Variants in DOCK10 observed in about 807,000 individuals in gnomAD.
DOCK10 encodes dedicator of cytokinesis protein 10.
A neutral mutation model predicts 280.1 loss-of-function variants in DOCK10; 145 were observed. The ratio of observed to expected loss-of-function variants is 0.52; its 90% CI spans 0.45 to 0.59. The LOEUF is 0.59. Among genes scored for constraint, DOCK10 ranks in the 20% least tolerant of loss-of-function variants. DOCK10 has a pLI of 0.00. For missense variants in DOCK10, 2,368 were observed against 2,651.7 expected (o/e 0.89, Z 2.35); for synonymous variants, 915 against 942.2 (o/e 0.97, Z 0.53).
At chr2:224,910,757 G>A (rs1402788683) in intron 3 of DOCK10, among the ~76,000 whole-genome samples, 1 of 152,132 alleles carries the variant, frequency 6.6e-6, no homozygotes, top group African/African-American at 2.4e-5. Context: ...CTTATCTGCT[G>A]TCTCCAGGCC....
At chr2:224,995,724 C>T (rs1027691636) in intron 1 of DOCK10, among the ~76,000 whole-genome samples, 11 of 152,164 alleles carry the variant, frequency 7.2e-5, no homozygotes, top group Non-Finnish European at 1.5e-5. Context: ...AATCTCGGTA[C>T]ATTCCCTTGT....
intron 24 of DOCK10, among the ~76,000 whole-genome samples, chr2:224,839,175 T>TTCATGCCA (rs1409940899): frequency 1.3e-5 from 2 of 151,802 alleles, no homozygotes; most frequent in Admixed American, 1.3e-4. Flanking sequence ...GCCTCCTGGG[T>TTCATGCCA]TCATGCCATT....
chr2:224,891,543 CTCTT>C (rs1163227452), intron 4 of DOCK10, among the ~76,000 whole-genome samples: 2 of 152,160 alleles, frequency 1.3e-5, no homozygotes, highest in African/African-American at 4.8e-5. Context: ...CATTTCCATA[CTCTT>C]TCTTTAATAA....
At chr2:224,918,488 T>G (rs1701464660) in intron 2 of DOCK10, among the ~76,000 whole-genome samples, 1 of 144,900 alleles carries the variant, frequency 6.9e-6, no homozygotes, top group African/African-American at 2.7e-5. Flanking sequence ...TGTGGTGCGG[T>G]GTGTGTGTGT....
At chr2:225,026,983 A>C (rs1376802229) in intron 1 of DOCK10, among the ~76,000 whole-genome samples, 1 of 152,198 alleles carries the variant, frequency 6.6e-6, no homozygotes, top group East Asian at 1.9e-4. Flanking sequence ...ACTATCTTTC[A>C]GAGTAGTGAT....
intron 1 of DOCK10, among the ~76,000 whole-genome samples, chr2:225,014,131 C>A (rs1575165557): frequency 7.8e-6 from 1 of 127,430 alleles, no homozygotes; most frequent in African/African-American, 2.8e-5. Context: ...GTTAAAAACT[C>A]ATCAGAAACA....
In DOCK10 at chr2:224,855,039, G is replaced by T; in HGVS notation, c.1812C>A (p.Ala604=). ...TGGTCTGCATTTTGCTTATTCTGTC[G>T]GCCCTGTAAGAGTGCATGAGCAAGG... is the stretch of plus-strand genomic sequence containing the variant. ...LVKLVSDYRR[A]DRISKMQTIP... Residue 604 remains alanine (A), a synonymous_variant, in exon 16 of 56, where the codon GCC becomes GCA. Coordinates refer to ENST00000258390, the MANE Select transcript of DOCK10 (RefSeq NM_014689.3). 2 of 1,591,794 alleles carry T rather than the reference G, an allele frequency of 1.3e-6. No individual in the cohort carries two copies. The highest frequency in any genetic ancestry group is 1.7e-6 in the Non-Finnish European group (2 of 1,168,990).
At chr2:224,867,057 T>C (rs1398363115) in intron 11 of DOCK10, among the ~76,000 whole-genome samples, 1 of 147,376 alleles carries the variant, frequency 6.8e-6, no homozygotes, top group African/African-American at 2.6e-5. Flanking sequence ...TGCCCTCCGA[T>C]CATACAGAGC....
intron 1 of DOCK10, among the ~76,000 whole-genome samples, chr2:224,943,692 C>T (rs16866387): frequency 0.066 from 10,027 of 151,426 alleles, 1,093 homozygotes; most frequent in African/African-American, 0.23. Context: ...CTCCTTCCCT[C>T]ATCACTATTC....
chr2:224,930,183 G>A (rs1702259493), intron 2 of DOCK10, among the ~76,000 whole-genome samples: 1 of 142,734 alleles, frequency 7.0e-6, no homozygotes, highest in Non-Finnish European at 1.5e-5. Context: ...CAGCCTGGGT[G>A]ACAGAGTGAC....
Position 225,017,321 on chromosome 2 carries a change from G to A in DOCK10, c.123+24931C>T, listed in dbSNP as rs557920534. The stretch of plus-strand genomic sequence containing the variant: ...TATTTTTGAAGACAGCTTAGAGGCA[G>A]GAGCACATCCCACTGTTCATGTAAA... On this transcript the variant is annotated intron_variant, in intron 1 of 55. Transcript: ENST00000258390. 5.5e-4 allele frequency among the ~76,000 whole-genome samples: 84 copies of A among 152,070 alleles called. 1 individual carries two copies. In the South Asian group the frequency reaches 0.017, roughly 30 times the overall value.
intron 3 of DOCK10, among the ~76,000 whole-genome samples, chr2:224,911,948 G>A (rs77425671): frequency 0.017 from 2,565 of 152,154 alleles, 72 homozygotes; most frequent in African/African-American, 0.059. Context: ...AGCAAGACAC[G>A]CATGAGATTT....
At chr2:224,809,178 A>T in intron 31 of DOCK10, among the ~76,000 whole-genome samples, 1 of 152,200 alleles carries the variant, frequency 6.6e-6, no homozygotes, top group East Asian at 1.9e-4. Context: ...TCCAGTAATA[A>T]TGGATTTATT....
intron 41 of DOCK10, among the ~76,000 whole-genome samples, chr2:224,799,236 A>G (rs1282793177): frequency 6.6e-6 from 1 of 152,226 alleles, no homozygotes; most frequent in African/African-American, 2.4e-5. Flanking sequence ...GCATTTTCTA[A>G]AATTTCATAT....
chr2:225,027,465 C>T (rs901132215), intron 1 of DOCK10, among the ~76,000 whole-genome samples: 16 of 152,122 alleles, frequency 1.1e-4, no homozygotes, highest in Non-Finnish European at 2.2e-4. Context: ...CAAATTGTAA[C>T]CCCCAGTGTT....
chr2:224,830,411 AAAGT>A (rs1417396601), intron 27 of DOCK10, 126 bp downstream of exon 27: 2 of 463,136 alleles, frequency 4.3e-6, no homozygotes, highest in African/African-American at 4.1e-5. Flanking sequence ...TTCTACTTAT[AAAGT>A]AATTATTGTA....
At chr2:224,931,157 G>A (rs968262902) in intron 2 of DOCK10, among the ~76,000 whole-genome samples, 4 of 152,226 alleles carry the variant, frequency 2.6e-5, no homozygotes, top group Non-Finnish European at 5.9e-5. Flanking sequence ...TGCATCTTTT[G>A]TGCTAATGGA....
Position 224,841,799 on chromosome 2 carries a change from G to A in DOCK10, c.2661+5C>T. On this transcript the variant is annotated splice_donor_5th_base_variant and intron_variant, in intron 23 of 55. Transcript: ENST00000258390. The stretch of plus-strand genomic sequence containing the variant: ...ATCACTGAAACTGCTTGCATGTCAT[G>A]TTACCTTACAAGAGCGGATGAAATT... 1 of 1,596,582 alleles carries A rather than the reference G, an allele frequency of 6.3e-7. No individual in the cohort carries two copies.
At chr2:224,959,029 C>A (rs1218015052) in intron 1 of DOCK10, among the ~76,000 whole-genome samples, 3 of 152,182 alleles carry the variant, frequency 2.0e-5, no homozygotes, top group Non-Finnish European at 4.4e-5. Flanking sequence ...AGATCTTTGG[C>A]AGCATTTAAA....
Sources: gnomAD v4.1 joint callset for allele counts (sites outside exome capture counted in the v4.1 genomes callset) on GRCh38, gnomAD v4.1.1 for gene constraint, MANE v1.5 for transcripts, NCBI Gene and HGNC (gene_info 2026-07-23, HGNC 2026-07-21) for gene names.